Variants in PCDH15 observed in about 807,000 individuals in gnomAD.
PCDH15 encodes protocadherin related 15, also known as protocadherin-15.
Under a neutral mutation model 178.5 loss-of-function variants are expected in PCDH15, and 129 were observed. The observed-to-expected ratio is 0.72, with a 90% CI of 0.63 to 0.84. PCDH15 has a LOEUF of 0.84. PCDH15 is among the 40% of genes least tolerant of loss of function. PCDH15 has a pLI of 0.00. For missense variants in PCDH15, 2,230 were observed against 2,099.9 expected (o/e 1.06, Z -1.21); for synonymous variants, 800 against 732.0 (o/e 1.09, Z -1.50).
At chr10:54,124,940 G>T (rs1180919959) in intron 15 of PCDH15, among the ~76,000 whole-genome samples, 1 of 152,204 alleles carries the variant, frequency 6.6e-6, no homozygotes, top group Non-Finnish European at 1.5e-5. Context: ...TTTGGAACAA[G>T]ATCAATTCTG....
intron 2 of PCDH15, among the ~76,000 whole-genome samples, chr10:55,120,080 T>C (rs1281910732): frequency 1.3e-5 from 2 of 151,814 alleles, no homozygotes; most frequent in East Asian, 3.9e-4. Flanking sequence ...AATATCAATA[T>C]TCAGATAAAA....
intron 28 of PCDH15, among the ~76,000 whole-genome samples, chr10:53,844,438 A>T (rs2132827688): frequency 6.6e-6 from 1 of 152,176 alleles, no homozygotes; most frequent in East Asian, 1.9e-4. Flanking sequence ...ATCAGAGCAG[A>T]TATAAGCAAA....
At chr10:54,384,399 A>AGTT (rs1046816004) in intron 3 of PCDH15, among the ~76,000 whole-genome samples, 3 of 151,466 alleles carry the variant, frequency 2.0e-5, no homozygotes, top group Non-Finnish European at 4.4e-5. Context: ...AACTGTAGAA[A>AGTT]GTTGTTGTTG....
intron 3 of PCDH15, among the ~76,000 whole-genome samples, chr10:54,400,003 T>C (rs1312191571): frequency 6.6e-6 from 1 of 152,028 alleles, no homozygotes; most frequent in East Asian, 1.9e-4. Flanking sequence ...CAGTATTTAG[T>C]AAGTTGAAGA....
intron 21 of PCDH15, among the ~76,000 whole-genome samples, chr10:53,964,442 A>AAATTTTATTTATTCATAAAATTTTTATT (rs1564876583): frequency 4.5e-5 from 1 of 22,308 alleles, no homozygotes. Flanking sequence ...AAATTTTTAT[A>AAATTTTATTTATTCATAAAATTTTTATT]AAATTTTATT....
intron 2 of PCDH15, among the ~76,000 whole-genome samples, chr10:55,005,482 T>C (rs1404434827): frequency 1.3e-5 from 2 of 152,128 alleles, no homozygotes; most frequent in Non-Finnish European, 2.9e-5. Context: ...CCAAGTTTCA[T>C]TTAGTATCTA....
intron 3 of PCDH15, among the ~76,000 whole-genome samples, chr10:54,503,656 C>T (rs1235828705): frequency 6.6e-6 from 1 of 151,690 alleles, no homozygotes; most frequent in Non-Finnish European, 1.5e-5. Context: ...CAGTATGCAC[C>T]CTTTAAATCA....
chr10:53,826,759 G>A (rs118036997), intron 32 of PCDH15, among the ~76,000 whole-genome samples: 273 of 152,166 alleles, frequency 1.8e-3, no homozygotes, highest in Non-Finnish European at 3.3e-3. Flanking sequence ...AATCGTGCAG[G>A]AGAAATATTC....
rs145226925 is a variant in PCDH15, at chr10:55,407,188, C to T, written c.-156+220437G>A. Among the ~76,000 whole-genome samples the T allele has an allele frequency of 3.1e-3, 464 of 151,916 alleles. 3 individuals are homozygous for T. Among genetic ancestry groups the T allele is most frequent in the African/African-American group, 0.011 (445 of 41,484 alleles). ...GTGAACAGAGATATGTGAAGGCAAC[C>T]GACGTGCCAAGATTGGTCGAGGGAA... On this transcript the variant is annotated intron_variant, in intron 2 of 5. Transcript: ENST00000613346.
chr10:53,830,783 G>A (rs2076969582), intron 30 of PCDH15, among the ~76,000 whole-genome samples: 1 of 152,138 alleles, frequency 6.6e-6, no homozygotes, highest in Non-Finnish European at 1.5e-5. Context: ...CTCTGGCAAA[G>A]CACCCAGGAA....
chr10:55,590,297 A>G (rs58484793), intron 2 of PCDH15, among the ~76,000 whole-genome samples: 20,474 of 119,028 alleles, frequency 0.17, 1,648 homozygotes, highest in Admixed American at 0.23. Flanking sequence ...GGAACATCAC[A>G]CTCTGGGGAC....
chr10:54,864,502 G>A (rs931559053), intron 3 of PCDH15, among the ~76,000 whole-genome samples: 1 of 152,128 alleles, frequency 6.6e-6, no homozygotes, highest in Non-Finnish European at 1.5e-5. Flanking sequence ...AAGGATAGAT[G>A]TACGGTTTAT....
At chr10:54,240,397 A>C (rs2131872125) in intron 8 of PCDH15, among the ~76,000 whole-genome samples, 1 of 152,160 alleles carries the variant, frequency 6.6e-6, no homozygotes, top group Middle Eastern at 3.4e-3. Flanking sequence ...TAAAAGAAAT[A>C]GTCTTTGATT....
chr10:54,211,448 G>A (rs2051417773), intron 10 of PCDH15, among the ~76,000 whole-genome samples: 1 of 152,038 alleles, frequency 6.6e-6, no homozygotes, highest in Admixed American at 6.6e-5. Flanking sequence ...TCTTTTCATA[G>A]TCTAAAGTTT....
At chr10:55,446,998 A>G (rs1039639145) in intron 2 of PCDH15, among the ~76,000 whole-genome samples, 3 of 152,130 alleles carry the variant, frequency 2.0e-5, no homozygotes, top group African/African-American at 7.2e-5. Flanking sequence ...CAGATAAAAC[A>G]GAAGTCATAA....
At chr10:53,893,060 T>G (rs1219306122) in intron 26 of PCDH15, among the ~76,000 whole-genome samples, 1 of 152,106 alleles carries the variant, frequency 6.6e-6, no homozygotes, top group Non-Finnish European at 1.5e-5. Flanking sequence ...GCATTCATCT[T>G]CTAAAATTGC....
chr10:55,509,366 C>A (rs562453796), intron 2 of PCDH15, among the ~76,000 whole-genome samples: 1 of 151,568 alleles, frequency 6.6e-6, no homozygotes, highest in Admixed American at 6.6e-5. Flanking sequence ...AACCTAAAAA[C>A]GAAATCGAAA....
chr10:55,546,822 T>C (rs753653650), intron 2 of PCDH15, among the ~76,000 whole-genome samples: 1 of 151,928 alleles, frequency 6.6e-6, no homozygotes, highest in African/African-American at 2.4e-5. Context: ...GAGGCTCAGA[T>C]GAACAGACGG....
intron 3 of PCDH15, among the ~76,000 whole-genome samples, chr10:54,403,912 A>G (rs1171071520): frequency 2.0e-5 from 3 of 151,580 alleles, no homozygotes; most frequent in African/African-American, 7.3e-5. Context: ...ATTAAACAGG[A>G]AGGTGAAAGA....
Sources: gnomAD v4.1 joint callset for allele counts (sites outside exome capture counted in the v4.1 genomes callset) on GRCh38, gnomAD v4.1.1 for gene constraint, MANE v1.5 for transcripts, NCBI Gene and HGNC (gene_info 2026-07-23, HGNC 2026-07-21) for gene names.